The following ADGRB3 variants were observed in gnomAD, a reference collection of about 807,000 sequenced individuals.
ADGRB3 encodes adhesion G protein-coupled receptor B3.
ADGRB3 carries 37 observed loss-of-function variants against 193.4 expected under a neutral mutation model. The observed-to-expected ratio is 0.19, with a 90% CI of 0.15 to 0.25. The LOEUF is 0.25. Ranked by LOEUF, ADGRB3 falls within the 10% of genes least tolerant of loss-of-function variation. The pLI is 1.00. For missense variants in ADGRB3, 1,637 were observed against 1,852.9 expected (o/e 0.88, Z 2.14); for synonymous variants, 690 against 644.2 (o/e 1.07, Z -1.08).
At chr6:68,993,553 C>G (rs1199067334) in intron 10 of ADGRB3, among the ~76,000 whole-genome samples, 3 of 152,092 alleles carry the variant, frequency 2.0e-5, no homozygotes, top group Non-Finnish European at 4.4e-5. Flanking sequence ...GTTTGTCAAG[C>G]CTGCCGAAAA....
chr6:69,160,985 A>G (rs2150344510), intron 17 of ADGRB3, among the ~76,000 whole-genome samples: 1 of 152,192 alleles, frequency 6.6e-6, no homozygotes, highest in African/African-American at 2.4e-5. Context: ...CTCATGTCAA[A>G]TCTTAATTTT....
chr6:69,348,962 AAT>A (rs1769166632), intron 26 of ADGRB3, among the ~76,000 whole-genome samples: 1 of 152,244 alleles, frequency 6.6e-6, no homozygotes, highest in Admixed American at 6.5e-5. Context: ...TCAGTAAGAC[AAT>A]AGAGTGGTAC....
chr6:69,119,750 A>G (rs1388373498), intron 17 of ADGRB3, among the ~76,000 whole-genome samples: 1 of 152,214 alleles, frequency 6.6e-6, no homozygotes, highest in Non-Finnish European at 1.5e-5. Context: ...CGGAGCATGG[A>G]GAGCTCAGAG....
chr6:68,890,728 T>C (rs1482565288), intron 3 of ADGRB3, among the ~76,000 whole-genome samples: 1 of 152,144 alleles, frequency 6.6e-6, no homozygotes, highest in African/African-American at 2.4e-5. Flanking sequence ...GAGAGAGATT[T>C]TTAAAAATGC....
intron 20 of ADGRB3, among the ~76,000 whole-genome samples, chr6:69,278,116 A>G (rs1199047711): frequency 1.3e-5 from 2 of 152,300 alleles, no homozygotes; most frequent in East Asian, 3.9e-4. Context: ...TTCTTCAAAT[A>G]ATAGGGCTTT....
chr6:68,683,311 T>A, intron 3 of ADGRB3, among the ~76,000 whole-genome samples: 1 of 152,206 alleles, frequency 6.6e-6, no homozygotes, highest in South Asian at 2.1e-4. Flanking sequence ...TACCCTATTC[T>A]AGAAACTAAG....
intron 6 of ADGRB3, among the ~76,000 whole-genome samples, chr6:68,951,035 G>A (rs913926183): frequency 3.9e-5 from 6 of 152,072 alleles, no homozygotes; most frequent in African/African-American, 1.4e-4. Flanking sequence ...CCTTTTCCAG[G>A]ATCCCCACAA....
Position 69,388,988 on chromosome 6 carries a change from T to C in ADGRB3, c.*97T>C, listed in dbSNP as rs1770136449. The C allele has an allele frequency of 1.6e-6, 2 of 1,243,168 alleles. No homozygotes were observed. Among genetic ancestry groups the C allele is most frequent in the East Asian group, 5.0e-5 (2 of 39,740 alleles). The allele number at this position is 1,243,168 out of a possible 1,614,324, so 77.0% of individuals were successfully genotyped here. ...TTTCTATCTGGACAGTGTGACTATC[T>C]TATGTCAGGACCTTCATGTGCCAAA... On this transcript the variant is annotated 3_prime_UTR_variant, in exon 32 of 32. Coordinates refer to ENST00000370598, the MANE Select transcript of ADGRB3 (RefSeq NM_001704.3).
chr6:68,918,880 G>A (rs1766951080), intron 3 of ADGRB3, among the ~76,000 whole-genome samples: 1 of 151,978 alleles, frequency 6.6e-6, no homozygotes, highest in Non-Finnish European at 1.5e-5. Context: ...AGTAGAGAGG[G>A]ATTATATTTT....
chr6:69,088,607 C>T (rs924105264), intron 17 of ADGRB3, among the ~76,000 whole-genome samples: 1 of 152,230 alleles, frequency 6.6e-6, no homozygotes, highest in Non-Finnish European at 1.5e-5. Flanking sequence ...TTCCTGACCT[C>T]AGGTGATCTG....
At chr6:69,113,422 A>T (rs1773433597) in intron 17 of ADGRB3, among the ~76,000 whole-genome samples, 2 of 152,058 alleles carry the variant, frequency 1.3e-5, no homozygotes, top group African/African-American at 2.4e-5. Context: ...ACACAGAAAT[A>T]CTTTCTTTAA....
chr6:68,921,331 C>T (rs925082528), intron 3 of ADGRB3, among the ~76,000 whole-genome samples: 1 of 152,012 alleles, frequency 6.6e-6, no homozygotes, highest in Non-Finnish European at 1.5e-5. Flanking sequence ...ATGTAGCAGA[C>T]AAGTGTATCA....
At chr6:69,190,144 G>A (rs1765157689) in intron 17 of ADGRB3, among the ~76,000 whole-genome samples, 1 of 152,052 alleles carries the variant, frequency 6.6e-6, no homozygotes. Context: ...TTATTTCAGA[G>A]TGTACTTTTA....
At chr6:68,702,487 T>C (rs1765257184) in intron 3 of ADGRB3, among the ~76,000 whole-genome samples, 1 of 152,182 alleles carries the variant, frequency 6.6e-6, no homozygotes, top group Non-Finnish European at 1.5e-5. Context: ...ATTGGAAATA[T>C]AGTCTTTGAC....
intron 17 of ADGRB3, chr6:69,232,433 A>T: frequency 6.7e-7 from 1 of 1,490,238 alleles, no homozygotes; most frequent in African/African-American, 1.4e-5. Context: ...AAATGGCTAC[A>T]CCAAAGAGAA....
At chr6:69,291,379 G>T (rs1419975747) in intron 20 of ADGRB3, among the ~76,000 whole-genome samples, 1 of 152,108 alleles carries the variant, frequency 6.6e-6, no homozygotes, top group Non-Finnish European at 1.5e-5. Context: ...TTTCAAAGAG[G>T]AGAGCACTAA....
intron 17 of ADGRB3, among the ~76,000 whole-genome samples, chr6:69,195,798 C>A (rs1765281329): frequency 6.6e-6 from 1 of 152,124 alleles, no homozygotes; most frequent in Admixed American, 6.6e-5. Flanking sequence ...TCTCTCTGGC[C>A]TATGCCACGT....
chr6:68,653,100 G>A (rs1582099410), intron 3 of ADGRB3, among the ~76,000 whole-genome samples: 2 of 152,182 alleles, frequency 1.3e-5, no homozygotes, highest in African/African-American at 4.8e-5. Context: ...TTTATTGCTG[G>A]AGTAAGACTG....
chr6:69,012,907 A>G (rs1487630470), intron 11 of ADGRB3, among the ~76,000 whole-genome samples: 1 of 152,074 alleles, frequency 6.6e-6, no homozygotes, highest in Non-Finnish European at 1.5e-5. Context: ...TTCTGCCCTC[A>G]AGGGAGTCCT....
Sources: allele counts gnomAD v4.1 joint callset (sites outside exome capture counted in the v4.1 genomes callset), GRCh38; gene constraint gnomAD v4.1.1; transcripts MANE v1.5; gene names NCBI Gene and HGNC (gene_info 2026-07-23, HGNC 2026-07-21).